EPB41: variants seen among roughly 807,000 people sequenced by gnomAD.
EPB41 encodes protein 4.1.
Under a neutral mutation model 108.0 loss-of-function variants are expected in EPB41, and 65 were observed. That is an observed-to-expected ratio of 0.60 (90% CI 0.49 to 0.74). EPB41 has a LOEUF of 0.74. Ranked by LOEUF, EPB41 falls within the 30% of genes least tolerant of loss-of-function variation. The probability of loss-of-function intolerance (pLI) is 0.00; values close to 1 mark genes in which losing one functional copy is unlikely to be tolerated. For synonymous variants in EPB41, 336 were observed against 358.9 expected, an observed-to-expected ratio of 0.94 and a Z score of 0.72; for missense variants, 875 against 1,037.0, an observed-to-expected ratio of 0.84 and a Z score of 2.15.
At chr1:28,933,979 G>T (rs1182827765) in intron 1 of EPB41, among the ~76,000 whole-genome samples, 1 of 152,044 alleles carries the variant, frequency 6.6e-6, no homozygotes, top group African/African-American at 2.4e-5. Context: ...ATTTTATTCA[G>T]ATTTCCTCAG....
chr1:28,968,679 T>G (rs564600214), intron 1 of EPB41, among the ~76,000 whole-genome samples: 2 of 152,036 alleles, frequency 1.3e-5, no homozygotes, highest in South Asian at 2.1e-4. Context: ...TAAAACTAAA[T>G]GAGGCCGGGC....
intron 16 of EPB41, among the ~76,000 whole-genome samples, chr1:29,081,859 A>G (rs1656821166): frequency 6.7e-6 from 1 of 150,000 alleles, no homozygotes; most frequent in Non-Finnish European, 1.5e-5. Context: ...AAAACCTAAC[A>G]CTTCACATTT....
At chr1:29,064,821 A>G (rs1011341557) in intron 15 of EPB41, 161 bp from the exon 16 acceptor site, 35 of 914,870 alleles carry the variant, frequency 3.8e-5, no homozygotes, top group Non-Finnish European at 4.6e-5. Context: ...AAGGCAAGCA[A>G]ATATACCATG....
At chr1:28,925,310 A>AT (rs2093383373) in intron 1 of EPB41, among the ~76,000 whole-genome samples, 1 of 151,666 alleles carries the variant, frequency 6.6e-6, no homozygotes, top group Non-Finnish European at 1.5e-5. Flanking sequence ...TGGGGTCTCC[A>AT]TATGTTGCCC....
At chr1:28,935,469 C>CACACACACACACACACACACACA (rs1234434094) in intron 1 of EPB41, among the ~76,000 whole-genome samples, 1,977 of 42,126 alleles carry the variant, frequency 0.047, 167 homozygotes, top group Admixed American at 0.063. Context: ...ACACACACAC[C>CACACACACACACACACACACACA]CCCCCCCCCC....
chr1:28,901,001 C>A (rs2091233101), intron 1 of EPB41, among the ~76,000 whole-genome samples: 1 of 152,080 alleles, frequency 6.6e-6, no homozygotes, highest in Non-Finnish European at 1.5e-5. Flanking sequence ...GAGATCTCAG[C>A]TCACTGCAAA....
chr1:28,988,863 A>T (rs568216359), intron 2 of EPB41, among the ~76,000 whole-genome samples: 1 of 152,350 alleles, frequency 6.6e-6, no homozygotes, highest in East Asian at 1.9e-4. Flanking sequence ...TTTACTGTTT[A>T]TAAATCAAAG....
chr1:28,993,679 CAG>C (rs1419380197), intron 3 of EPB41, 137 bp downstream of exon 3: 2 of 661,608 alleles, frequency 3.0e-6, no homozygotes, highest in African/African-American at 4.8e-5. Flanking sequence ...TTTTTTGAGA[CAG>C]AGTTTTGCTC....
chr1:28,947,084 A>G (rs1444297777), intron 1 of EPB41, among the ~76,000 whole-genome samples: 3 of 152,216 alleles, frequency 2.0e-5, no homozygotes, highest in Admixed American at 6.5e-5. Flanking sequence ...AGGGAAGGCC[A>G]AATTAATGGA....
chr1:29,026,123 G>T (rs2096715740), intron 7 of EPB41, among the ~76,000 whole-genome samples: 1 of 152,116 alleles, frequency 6.6e-6, no homozygotes, highest in South Asian at 2.1e-4. Flanking sequence ...CCAGAATGGG[G>T]AATTCAGGGT....
chr1:28,902,503 C>G, intron 1 of EPB41: 1 of 595,966 alleles, frequency 1.7e-6, no homozygotes, highest in Non-Finnish European at 2.1e-6. Flanking sequence ...CTGGAACTTT[C>G]CCCTTCCCAG....
intron 1 of EPB41, among the ~76,000 whole-genome samples, chr1:28,946,748 T>A (rs1466495004): frequency 6.6e-6 from 1 of 152,218 alleles, no homozygotes; most frequent in African/African-American, 2.4e-5. Flanking sequence ...CCAATAAAGA[T>A]AAAATTATGA....
intron 1 of EPB41, among the ~76,000 whole-genome samples, chr1:28,962,110 G>A (rs534793926): frequency 1.3e-5 from 2 of 151,874 alleles, no homozygotes; most frequent in African/African-American, 4.8e-5. Flanking sequence ...GCCCAGGCTG[G>A]AGTGCAGTGG....
At chr1:28,993,632 T>C in intron 3 of EPB41, 90 bp downstream of exon 3, 1 of 1,024,906 alleles carries the variant, frequency 9.8e-7, no homozygotes, top group Non-Finnish European at 1.5e-6. Context: ...ACGATAAGAC[T>C]CACTGTAGTG....
intron 1 of EPB41, among the ~76,000 whole-genome samples, chr1:28,907,254 A>G (rs1371608518): frequency 6.6e-6 from 1 of 151,374 alleles, no homozygotes; most frequent in Non-Finnish European, 1.5e-5. Flanking sequence ...TAGTAGAGAC[A>G]TGGTTTCCCC....
intron 12 of EPB41, among the ~76,000 whole-genome samples, chr1:29,055,975 G>A (rs1463184789): frequency 1.4e-5 from 2 of 140,076 alleles, no homozygotes; most frequent in South Asian, 2.4e-4. Flanking sequence ...GGTGGCTCAC[G>A]CCTGTAATCC....
chr1:28,975,773 C>T (rs150308165), intron 1 of EPB41, among the ~76,000 whole-genome samples: 41 of 151,904 alleles, frequency 2.7e-4, no homozygotes, highest in African/African-American at 9.7e-4. Context: ...TCGAGAACAT[C>T]CTGGCTAACA....
At chr1:28,930,511 G>T (rs1248931032) in intron 1 of EPB41, among the ~76,000 whole-genome samples, 1 of 148,738 alleles carries the variant, frequency 6.7e-6, no homozygotes, top group Non-Finnish European at 1.5e-5. Flanking sequence ...TTGAGACTGA[G>T]TCTCTCTCTG....
intron 16 of EPB41, chr1:29,073,140 T>C (rs1378071599): frequency 7.2e-6 from 1 of 138,362 alleles, no homozygotes. Flanking sequence ...AAAGTGTAAA[T>C]AGTCTTGGTT....
Sources: gnomAD v4.1 joint callset for allele counts (sites outside exome capture counted in the v4.1 genomes callset) on GRCh38, gnomAD v4.1.1 for gene constraint, MANE v1.5 for transcripts, NCBI Gene and HGNC (gene_info 2026-07-23, HGNC 2026-07-21) for gene names.